Variants in ITPRIP observed in about 807,000 individuals in gnomAD.
ITPRIP encodes the protein inositol 1,4,5-trisphosphate receptor-interacting protein.
ITPRIP carries 32 observed loss-of-function variants against 35.8 expected under a neutral mutation model. That is an observed-to-expected ratio of 0.89 (90% CI 0.68 to 1.20). The LOEUF (loss-of-function observed/expected upper bound fraction) is 1.20, where lower values mean the gene tolerates loss of function less well. Among genes scored for constraint, ITPRIP ranks in the 50% most tolerant of loss-of-function variants. The probability of loss-of-function intolerance (pLI) is 0.00; values close to 1 mark genes in which losing one functional copy is unlikely to be tolerated. For missense variants in ITPRIP, 653 were observed against 735.6 expected, an observed-to-expected ratio of 0.89 and a Z score of 1.30; for synonymous variants, 358 against 324.0, an observed-to-expected ratio of 1.11 and a Z score of -1.13.
At position 104,314,102 on chromosome 10, in the gene ITPRIP, C is replaced by T. The variant is rs1231962370; in HGVS notation, c.*306G>A. ...TCCAACATTTGCATTGTCTCTAACT[C>T]AGGGTCCACAGCGTGTTCTGCCACC... On this transcript the variant is annotated 3_prime_UTR_variant, in exon 2 of 2. Coordinates refer to ENST00000337478, the MANE Select transcript of ITPRIP (RefSeq NM_001272013.2). 4.2e-5 allele frequency: 49 copies of T among 1,154,754 alleles called. No homozygotes were observed. Among genetic ancestry groups the T allele is most frequent in the Non-Finnish European group, 5.1e-5 (48 of 935,612 alleles). The allele number at this position is 1,154,754 out of a possible 1,614,324, so 71.5% of individuals were successfully genotyped here.
intron 1 of ITPRIP, among the ~76,000 whole-genome samples, chr10:104,318,267 C>T (rs890205282): frequency 6.6e-6 from 1 of 152,248 alleles, no homozygotes; most frequent in East Asian, 1.9e-4. Context: ...TAACTAACTG[C>T]GAGGCTGGGT....
chr10:104,336,131 A>G (rs1344770423), intron 1 of ITPRIP, among the ~76,000 whole-genome samples: 1 of 152,192 alleles, frequency 6.6e-6, no homozygotes, highest in Non-Finnish European at 1.5e-5. Context: ...TCTAAGAGGC[A>G]TCAAGCCCCA....
chr10:104,314,906 C>G lies in ITPRIP; in HGVS notation c.1146G>C (p.Leu382=). ...AGTGTCGCTCATAGACAGCAAAGGA[C>G]AGGAGCCAGTCTGTGCTGGAGGCTG... ...GTPASSTDWL[L]SFAVYERHFL... is the part of the protein sequence containing the mutation. Residue 382 remains leucine, a synonymous_variant, in exon 2 of 2, where the codon CTG becomes CTC. Transcript: ENST00000337478. 1 of 1,613,672 alleles carries G rather than the reference C, an allele frequency of 6.2e-7. No homozygotes were observed. The highest frequency in any genetic ancestry group is 8.5e-7 in the Non-Finnish European group (1 of 1,180,026).
intron 1 of ITPRIP, among the ~76,000 whole-genome samples, chr10:104,318,143 C>G (rs757047539): frequency 6.6e-6 from 1 of 152,208 alleles, no homozygotes; most frequent in Non-Finnish European, 1.5e-5. Flanking sequence ...AGCGAGCCAG[C>G]TTTCCTTCCC....
chr10:104,325,309 G>T (rs2013969301), intron 1 of ITPRIP, among the ~76,000 whole-genome samples: 1 of 152,104 alleles, frequency 6.6e-6, no homozygotes, highest in East Asian at 1.9e-4. Context: ...CGTTCCTCAA[G>T]GTAACCCCTA....
intron 1 of ITPRIP, among the ~76,000 whole-genome samples, chr10:104,335,781 T>G (rs2014222345): frequency 6.6e-6 from 1 of 152,224 alleles, no homozygotes; most frequent in Non-Finnish European, 1.5e-5. Flanking sequence ...GGTCTATGAA[T>G]GCCCAGTGAT....
rs1009693295 is a variant in ITPRIP, at chr10:104,328,822, G to C, written c.-14+9424C>G. The C allele has an allele frequency of 6.6e-6, 1 of 152,210 alleles. No individual in the cohort carries two copies. The highest frequency in any genetic ancestry group is 2.4e-5 in the African/African-American group (1 of 41,398). The allele number at this position is 152,210 out of a possible 1,614,324, so 9.4% of individuals were successfully genotyped here. On this transcript the variant is annotated intron_variant, in intron 1 of 1. Coordinates refer to ENST00000337478, the MANE Select transcript of ITPRIP (RefSeq NM_001272013.2). This position sits in a 1 kb window ranked among gnomAD's most constrained non-coding sequence, Gnocchi z 4.1. ...AGGCCTTGTCCACGACCTCGGAAAG[G>C]CTTGTTCCCCACCTCAGCCTCCCCA...
At chr10:104,331,224 A>G (rs1014626619) in intron 1 of ITPRIP, among the ~76,000 whole-genome samples, 1 of 152,242 alleles carries the variant, frequency 6.6e-6, no homozygotes, top group Non-Finnish European at 1.5e-5. Context: ...GGGGCAGCAC[A>G]CAGGGGTAGG....
chr10:104,321,630 T>TC (rs2013847286), intron 1 of ITPRIP, among the ~76,000 whole-genome samples: 1 of 151,512 alleles, frequency 6.6e-6, no homozygotes, highest in Non-Finnish European at 1.5e-5. Context: ...CCCATAGCTC[T>TC]CCCATTTCTC....
chr10:104,315,391 G>A lies in ITPRIP; in HGVS notation c.661C>T (p.Arg221Cys). The A allele has an allele frequency of 2.5e-6, 4 of 1,570,332 alleles. No homozygotes were observed. In the South Asian group the frequency reaches 3.6e-5, roughly 14 times the overall value. ...FVPFTPPEPY[R>C]FHPELWCSGR... Reference sequence around the variant, plus strand: ...GAGCACCAGAGCTCTGGGTGGAAGCGGTAGGGCTCGGGGGGTGTGAAGGGC... The same window carrying A: ...GAGCACCAGAGCTCTGGGTGGAAGCAGTAGGGCTCGGGGGGTGTGAAGGGC... The change falls in exon 2 of 2, where the codon CGC becomes TGC. Residue 221 changes from arginine to cysteine, a missense_variant. Physicochemically the swap from Arg to Cys is radical, Grantham distance 180. Coordinates refer to ENST00000337478, the MANE Select transcript of ITPRIP (RefSeq NM_001272013.2). The surrounding 1 kb of genome is among the most constrained non-coding windows in gnomAD (Gnocchi z 5.7).
chr10:104,313,382 G>A lies in ITPRIP; in HGVS notation c.*1026C>T, dbSNP rs2013539496. ...TTCGCTGCAGGACGCAGGGCCAGAA[G>A]AGGTTGAGAGGCTTGGCTCTGCGCA... is the stretch of plus-strand genomic sequence containing the variant. On this transcript the variant is annotated 3_prime_UTR_variant, in exon 2 of 2. Coordinates refer to ENST00000337478, the MANE Select transcript of ITPRIP (RefSeq NM_001272013.2). 1.0e-6 allele frequency: 1 copy of A among 986,366 alleles called. No homozygotes were observed. Among genetic ancestry groups the A allele is most frequent in the Non-Finnish European group, 1.2e-6 (1 of 830,312 alleles). The allele number at this position is 986,366 out of a possible 1,614,324, so 61.1% of individuals were successfully genotyped here. A position where few individuals can be genotyped will look rare whatever the true frequency, so the allele number is the denominator to read the frequency against.
chr10:104,327,371 T>G (rs918328729), intron 1 of ITPRIP, among the ~76,000 whole-genome samples: 1 of 152,120 alleles, frequency 6.6e-6, no homozygotes, highest in African/African-American at 2.4e-5. Context: ...GTTCAAGGCC[T>G]GGCCCAACCA....
chr10:104,336,256 C>A (rs1159972213), intron 1 of ITPRIP, among the ~76,000 whole-genome samples: 6 of 152,164 alleles, frequency 3.9e-5, no homozygotes, highest in African/African-American at 1.4e-4. Flanking sequence ...CTCTGTACCC[C>A]TCCCCAGCAA....
intron 1 of ITPRIP, among the ~76,000 whole-genome samples, chr10:104,318,128 G>C (rs1589888731): frequency 6.6e-6 from 1 of 152,180 alleles, no homozygotes; most frequent in South Asian, 2.1e-4. Context: ...AAAAGTGCAG[G>C]GGGCAGCGAG....
chr10:104,325,768 G>T (rs1372507352), intron 1 of ITPRIP, among the ~76,000 whole-genome samples: 1 of 152,198 alleles, frequency 6.6e-6, no homozygotes, highest in Non-Finnish European at 1.5e-5. Context: ...AAGCAAAAAG[G>T]CCTAATGGTG....
rs1373186268 is a variant in ITPRIP, at chr10:104,313,515, T to A, written c.*893A>T. The A allele has an allele frequency of 3.0e-6, 3 of 985,430 alleles. No homozygotes were observed. Among genetic ancestry groups the A allele is most frequent in the Non-Finnish European group, 3.6e-6 (3 of 830,048 alleles). The allele number at this position is 985,430 out of a possible 1,614,324, so 61.0% of individuals were successfully genotyped here. ...GCCACAGTCACCCCGTGTGTCTCTT[T>A]CTCCAGGTCAGCTTCCACCTTTAGC... is the stretch of plus-strand genomic sequence containing the variant. On this transcript the variant is annotated 3_prime_UTR_variant, in exon 2 of 2. Coordinates refer to ENST00000337478, the MANE Select transcript of ITPRIP (RefSeq NM_001272013.2).
At position 104,316,043 on chromosome 10, in the gene ITPRIP, C is replaced by T. The variant is rs2135181380; in HGVS notation, c.9G>A (p.Met3Ile). The change falls in exon 2 of 2, where the codon ATG (methionine) becomes ATA (isoleucine). Residue 3 changes from methionine to isoleucine, a missense_variant. Met to Ile is a conservative substitution (Grantham distance 10). Transcript: ENST00000337478. ...CCACCAGACACACGCGGAAGAGCCC[C>T]ATGGCCATGGTTGGAGCTTTCCTGG... MA[M>I]GLFRVCLVVV... is the part of the protein sequence containing the mutation. The T allele has an allele frequency of 1.3e-6, 2 of 1,577,342 alleles. No individual in the cohort carries two copies. The highest frequency in any genetic ancestry group is 2.2e-5 in the East Asian group (1 of 44,680).
intron 1 of ITPRIP, among the ~76,000 whole-genome samples, chr10:104,320,910 GAC>G (rs1224114080): frequency 1.3e-5 from 2 of 152,262 alleles, no homozygotes; most frequent in South Asian, 2.1e-4. Context: ...GATCTCTTGG[GAC>G]TGTGCCTCAG....
chr10:104,316,656 A>G (rs11595547), intron 1 of ITPRIP, among the ~76,000 whole-genome samples: 35,005 of 151,914 alleles, frequency 0.23, 4,551 homozygotes, highest in Middle Eastern at 0.33. Flanking sequence ...CCCTCCCCAC[A>G]CTCAGCTCTG....
Sources: gnomAD v4.1 joint callset for allele counts (sites outside exome capture counted in the v4.1 genomes callset) on GRCh38, gnomAD v4.1.1 for gene constraint, Gnocchi (gnomAD v3.1) non-coding constraint, MANE v1.5 for transcripts, NCBI Gene and HGNC (gene_info 2026-07-23, HGNC 2026-07-21) for gene names.